SCN1A: variants seen among roughly 807,000 people sequenced by gnomAD.
The protein encoded by SCN1A is sodium channel protein type 1 subunit alpha.
In SCN1A, 13 loss-of-function variants were observed where a neutral mutation model predicts 193.7. The observed-to-expected ratio is 0.07, with a 90% confidence interval of 0.04 to 0.11. The LOEUF (loss-of-function observed/expected upper bound fraction) is 0.11, where lower values mean the gene tolerates loss of function less well. Ranked by LOEUF, SCN1A falls within the 10% of genes least tolerant of loss-of-function variation. The pLI, the probability that SCN1A is intolerant of heterozygous loss-of-function variation, is 1.00. For synonymous variants in SCN1A, 781 were observed against 843.6 expected, an observed-to-expected ratio of 0.93 and a Z score of 1.29; for missense variants, 1,432 against 2,451.1, an observed-to-expected ratio of 0.58 and a Z score of 8.78.
chr2:166,104,057 A>G (rs1688428049), intron 2 of SCN1A, among the ~76,000 whole-genome samples: 1 of 152,212 alleles, frequency 6.6e-6, no homozygotes, highest in African/African-American at 2.4e-5. Context: ...GAATAAAAGA[A>G]CCACTGAGTG....
intron 1 of SCN1A, among the ~76,000 whole-genome samples, chr2:166,143,753 G>A (rs1692192047): frequency 6.6e-6 from 1 of 151,986 alleles, no homozygotes. Flanking sequence ...ACCTTACTTT[G>A]GTAAAAATTT....
At chr2:166,128,233 C>T (rs1484118834), upstream of SCN1A, among the ~76,000 whole-genome samples, 1 of 151,760 alleles carries the variant, frequency 6.6e-6, no homozygotes, top group Non-Finnish European at 1.5e-5. Flanking sequence ...TCTTTCATTC[C>T]CTATTGCTAT....
chr2:166,041,221 A>G lies in SCN1A; in HGVS notation c.2415+10T>C. 6.3e-7 allele frequency: 1 copy of G among 1,575,136 alleles called. No homozygotes were observed. Among genetic ancestry groups the G allele is most frequent in the Non-Finnish European group, 8.7e-7 (1 of 1,144,866 alleles). ...GAAGACTAAACACATTTACCTTCCA[A>G]TATGCTTACCAAGTTTCCTACTGTA... On this transcript the variant is annotated intron_variant, in intron 16 of 28. Transcript: ENST00000674923.
chr2:166,022,783 T>C (rs1337705721), intron 19 of SCN1A, among the ~76,000 whole-genome samples: 1 of 152,230 alleles, frequency 6.6e-6, no homozygotes, highest in Middle Eastern at 3.2e-3. Flanking sequence ...TTCTGACTTT[T>C]TAATGTTAAG....
intron 1 of SCN1A, among the ~76,000 whole-genome samples, chr2:166,145,929 AT>A (rs1011690098): frequency 3.3e-5 from 5 of 152,122 alleles, no homozygotes; most frequent in African/African-American, 1.2e-4. Flanking sequence ...GAAGAGAAAA[AT>A]TTGGAGTGTT....
intron 4 of SCN1A, among the ~76,000 whole-genome samples, chr2:166,062,404 A>ACTGT (rs1459531825): frequency 6.6e-6 from 1 of 152,104 alleles, no homozygotes; most frequent in African/African-American, 2.4e-5. Context: ...TATTTCCTCA[A>ACTGT]CTGTCTGTAT....
intron 4 of SCN1A, among the ~76,000 whole-genome samples, chr2:166,061,715 T>A (rs1201994163): frequency 6.6e-6 from 1 of 152,064 alleles, no homozygotes; most frequent in Admixed American, 6.6e-5. Context: ...AAAAATAAGA[T>A]AAAAGGAGGT....
chr2:166,147,116 T>C (rs1321121593), intron 1 of SCN1A, among the ~76,000 whole-genome samples: 4 of 152,144 alleles, frequency 2.6e-5, no homozygotes, highest in Admixed American at 1.3e-4. Flanking sequence ...AAGTCTGTCA[T>C]GAGGCCCGAA....
At chr2:166,016,084 T>G (rs1693258652) in intron 19 of SCN1A, 1 of 273,824 alleles carries the variant, frequency 3.7e-6, no homozygotes, top group Non-Finnish European at 7.1e-6. Flanking sequence ...AAGAGAAAGC[T>G]TACCTTAGAA....
intron 3 of SCN1A, among the ~76,000 whole-genome samples, chr2:166,077,307 A>G (rs982341471): frequency 6.6e-6 from 1 of 151,928 alleles, no homozygotes; most frequent in Non-Finnish European, 1.5e-5. Context: ...TTTGCAAAAG[A>G]CATGTCTGAT....
chr2:166,104,450 A>C (rs1688471441), intron 2 of SCN1A: 1 of 152,222 alleles, frequency 6.6e-6, no homozygotes, highest in African/African-American at 2.4e-5. Context: ...GGTGGTTTAA[A>C]AAGTAAATGG....
intron 19 of SCN1A, among the ~76,000 whole-genome samples, chr2:166,027,540 A>G (rs554093576): frequency 4.6e-5 from 7 of 151,808 alleles, no homozygotes; most frequent in African/African-American, 1.7e-4. Context: ...TCAAAAGCAT[A>G]CTTAATATGT....
intron 2 of SCN1A, among the ~76,000 whole-genome samples, chr2:166,115,546 G>C (rs1021143990): frequency 4.6e-5 from 7 of 152,100 alleles, no homozygotes; most frequent in African/African-American, 1.2e-4. Context: ...TAGTATATAT[G>C]AGTTTAGAAT....
chr2:166,041,510 T>C (rs1466896246), intron 15 of SCN1A, 41 bp from the exon 16 acceptor site: 2 of 1,222,548 alleles, frequency 1.6e-6, no homozygotes, highest in Non-Finnish European at 2.4e-6. Context: ...CCAAAAGGTA[T>C]ACTTTATACA....
At chr2:166,035,246 C>CA (rs898581542) in intron 19 of SCN1A, among the ~76,000 whole-genome samples, 59 of 152,262 alleles carry the variant, frequency 3.9e-4, no homozygotes, top group African/African-American at 1.3e-3. Flanking sequence ...GAAAAGTTAA[C>CA]ATAATAACAC....
intron 24 of SCN1A, 151 bp from the exon 25 acceptor site, chr2:165,999,927 T>C (rs564131029): frequency 1.4e-6 from 1 of 694,268 alleles, no homozygotes; most frequent in South Asian, 1.5e-5. Context: ...ACCAAGACAG[T>C]ATTTTAGTAT....
rs779308039 is a variant in SCN1A, at chr2:166,043,701, C to T, written c.2011G>A (p.Val671Met). 2 of 1,614,106 alleles carry T rather than the reference C, an allele frequency of 1.2e-6. No homozygotes were observed. Among genetic ancestry groups the T allele is most frequent in the Admixed American group, 3.3e-5 (2 of 60,014 alleles). The part of the protein sequence containing the change: ...TSPVGQLLPE[V>M]IIDKPATDDN... ...TCAGTAGCTGGCTTATCTATTATCA[C>T]CTCTGGCAGAAGCTGTCCAACAGGC... Residue 671 changes from valine (V) to methionine (M), a missense_variant, in exon 14 of 29, where the codon GTG (valine) becomes ATG (methionine). This residue lies in a region of SCN1A where 316 missense variants were observed against 362.1 expected (regional missense o/e 0.87). Coordinates refer to ENST00000674923, the MANE Select transcript of SCN1A (RefSeq NM_001165963.4).
intron 22 of SCN1A, 65 bp downstream of exon 22, chr2:166,012,044 G>A (rs1692531402): frequency 9.7e-6 from 14 of 1,439,842 alleles, no homozygotes; most frequent in Non-Finnish European, 1.4e-5. Context: ...ACTCACTATT[G>A]TAGAATTTGA....
At chr2:166,066,377 A>C (rs1683844868) in intron 4 of SCN1A, among the ~76,000 whole-genome samples, 1 of 152,108 alleles carries the variant, frequency 6.6e-6, no homozygotes, top group Non-Finnish European at 1.5e-5. Flanking sequence ...GAGAACTATG[A>C]GCAAACTATT....
Sources: gnomAD v4.1 joint callset for allele counts (sites outside exome capture counted in the v4.1 genomes callset) on GRCh38, gnomAD v4.1.1 for gene constraint, gnomAD v4.1.1 regional missense constraint, MANE v1.5 for transcripts, NCBI Gene and HGNC (gene_info 2026-07-23, HGNC 2026-07-21) for gene names.